Variants in DCLK2 observed in about 807,000 individuals in gnomAD.
The protein encoded by DCLK2 is doublecortin like kinase 2, also known as serine/threonine-protein kinase DCLK2.
A neutral mutation model predicts 78.4 loss-of-function variants in DCLK2; 31 were observed. That is an observed-to-expected ratio of 0.40 (90% CI 0.30 to 0.53). The LOEUF (loss-of-function observed/expected upper bound fraction) is 0.53, where lower values mean the gene tolerates loss of function less well. DCLK2 is among the 20% of genes least tolerant of loss of function. The probability of loss-of-function intolerance (pLI) is 0.61; values close to 1 mark genes in which losing one functional copy is unlikely to be tolerated. For missense variants in DCLK2, 872 were observed against 973.7 expected, an observed-to-expected ratio of 0.90 and a Z score of 1.39; for synonymous variants, 407 against 374.9, an observed-to-expected ratio of 1.09 and a Z score of -0.99.
chr4:150,248,181 G>C, intron 13 of DCLK2, 124 bp from the exon 14 acceptor site: 2 of 749,112 alleles, frequency 2.7e-6, no homozygotes, highest in Non-Finnish European at 4.6e-6. Flanking sequence ...GTTTAGGTTT[G>C]AATCAGTTAG....
intron 2 of DCLK2, among the ~76,000 whole-genome samples, chr4:150,161,614 C>T (rs1735712382): frequency 6.6e-6 from 1 of 152,056 alleles, no homozygotes; most frequent in Admixed American, 6.6e-5. Flanking sequence ...AATATATTAA[C>T]AGTTTGTGAG....
intron 1 of DCLK2, among the ~76,000 whole-genome samples, chr4:150,085,246 C>G (rs1729559013): frequency 6.6e-6 from 1 of 152,152 alleles, no homozygotes; most frequent in African/African-American, 2.4e-5. Flanking sequence ...TTTGTGGGGT[C>G]TTTGGGAGGT....
chr4:150,122,424 T>TA lies in DCLK2; in HGVS notation c.756+19618dup, dbSNP rs533338992. On this transcript the variant is annotated intron_variant, in intron 2 of 15. Transcript: ENST00000296550. Reference sequence around the variant, plus strand: ...TACACCATGGAATACTATGCAGCCATAAAAAAGTATGAGTTCATGTCCTTT... The same window carrying TA: ...TACACCATGGAATACTATGCAGCCATAAAAAAAGTATGAGTTCATGTCCTTT... Among the ~76,000 whole-genome samples the TA allele has an allele frequency of 1.1e-3, 166 of 152,186 alleles. 2 individuals carry two copies. The highest frequency in any genetic ancestry group is 3.8e-3 in the African/African-American group (156 of 41,516).
intron 5 of DCLK2, among the ~76,000 whole-genome samples, chr4:150,219,807 A>G (rs898519610): frequency 6.6e-6 from 1 of 152,254 alleles, no homozygotes; most frequent in Non-Finnish European, 1.5e-5. Context: ...TATTGTAAGT[A>G]TAAAACGCAT....
intron 4 of DCLK2, chr4:150,198,881 T>G: frequency 1.8e-6 from 1 of 553,912 alleles, no homozygotes; most frequent in Non-Finnish European, 3.2e-6. Flanking sequence ...TTTTCAGACA[T>G]TCCACTATTC....
chr4:150,162,188 G>C (rs1735752628), intron 2 of DCLK2, among the ~76,000 whole-genome samples: 1 of 151,954 alleles, frequency 6.6e-6, no homozygotes, highest in Admixed American at 6.6e-5. Flanking sequence ...GCGCCACCAT[G>C]CCTGGCTAAT....
intron 2 of DCLK2, among the ~76,000 whole-genome samples, chr4:150,184,720 G>A (rs1174995076): frequency 6.6e-6 from 1 of 151,312 alleles, no homozygotes; most frequent in Admixed American, 6.6e-5. Context: ...TCCTGTCTTA[G>A]CCTCCCGAGT....
intron 12 of DCLK2, among the ~76,000 whole-genome samples, chr4:150,241,396 A>G (rs1185512589): frequency 6.6e-6 from 1 of 152,194 alleles, no homozygotes; most frequent in Non-Finnish European, 1.5e-5. Flanking sequence ...TCTTTTGATG[A>G]GTTTCATCTC....
intron 8 of DCLK2, among the ~76,000 whole-genome samples, chr4:150,227,399 T>C (rs2126552381): frequency 6.6e-6 from 1 of 152,310 alleles, no homozygotes; most frequent in African/African-American, 2.4e-5. Context: ...GCAAAGAATG[T>C]TGGAGTTCAG....
chr4:150,201,936 C>A (rs1008792476), intron 4 of DCLK2, among the ~76,000 whole-genome samples: 5 of 152,070 alleles, frequency 3.3e-5, no homozygotes. Context: ...TTTTTAAGAG[C>A]AGTTTTAGGT....
chr4:150,169,054 C>G (rs905344345), intron 2 of DCLK2, among the ~76,000 whole-genome samples: 6 of 151,806 alleles, frequency 4.0e-5, no homozygotes, highest in African/African-American at 1.2e-4. Context: ...CCCTCCCCAC[C>G]CCCCGTAATT....
In DCLK2 at chr4:150,247,678, T is replaced by G. The variant is rs1320907674; in HGVS notation, c.1854T>G (p.Asp618Glu). 6.2e-7 allele frequency: 1 copy of G among 1,614,098 alleles called. No homozygotes were observed. The highest frequency in any genetic ancestry group is 8.5e-7 in the Non-Finnish European group (1 of 1,180,002). ...TGGAGTTTCCGGCCCCCTACTGGGA[T>G]AACATCACGGACTCTGCCAAGGTAC... ...GKLEFPAPYWDNITDSAKELI... is the reference protein window; with the variant it reads ...GKLEFPAPYWENITDSAKELI... The change falls in exon 13 of 16, where the codon GAT (aspartate) becomes GAG (glutamate). Residue 618 changes from aspartate to glutamate, a missense_variant. Asp to Glu is a conservative substitution (Grantham distance 45). This residue lies in a region of DCLK2 where 219 missense variants were observed against 230.1 expected (regional missense o/e 0.95). Coordinates refer to ENST00000296550, the MANE Select transcript of DCLK2 (RefSeq NM_001040260.4).
At chr4:150,158,455 G>A (rs1008418303) in intron 2 of DCLK2, among the ~76,000 whole-genome samples, 7 of 152,192 alleles carry the variant, frequency 4.6e-5, no homozygotes, top group African/African-American at 1.4e-4. Flanking sequence ...CCACCACAGA[G>A]GCACACTGCC....
At chr4:150,160,257 A>G (rs549280939) in intron 2 of DCLK2, among the ~76,000 whole-genome samples, 14 of 152,230 alleles carry the variant, frequency 9.2e-5, no homozygotes, top group African/African-American at 1.7e-4. Flanking sequence ...AGCTCAAGCA[A>G]TCCACCTGCC....
chr4:150,219,594 C>A (rs1359183608), intron 5 of DCLK2, among the ~76,000 whole-genome samples: 1 of 152,084 alleles, frequency 6.6e-6, no homozygotes, highest in Non-Finnish European at 1.5e-5. Context: ...AGGTTCTGTG[C>A]TAGATGATTT....
intron 2 of DCLK2, among the ~76,000 whole-genome samples, chr4:150,158,751 G>A (rs923849821): frequency 1.3e-5 from 2 of 152,106 alleles, no homozygotes; most frequent in Non-Finnish European, 1.5e-5. Flanking sequence ...AGAAAAAACT[G>A]CACAGGAAAG....
At chr4:150,202,422 A>G (rs566865888) in intron 4 of DCLK2, among the ~76,000 whole-genome samples, 1 of 152,334 alleles carries the variant, frequency 6.6e-6, no homozygotes, top group East Asian at 1.9e-4. Context: ...TTTAAAAATA[A>G]CTGGAAAAAG....
Position 150,257,227 on chromosome 4 carries a change from C to T in DCLK2, c.*980C>T, listed in dbSNP as rs768244976. 9.8e-5 allele frequency: 15 copies of T among 152,718 alleles called. No individual in the cohort carries two copies. Among genetic ancestry groups the T allele is most frequent in the Non-Finnish European group, 1.9e-4 (13 of 68,136 alleles). 9.5% of individuals were successfully genotyped at this position (152,718 alleles called of 1,614,324 possible). ...CCAGGACTGGGCGGGAAGGTGCTCC[C>T]TGGATATACTCTGTGAACCTTCTGG... On this transcript the variant is annotated 3_prime_UTR_variant, in exon 16 of 16. Transcript: ENST00000296550.
chr4:150,085,617 C>T (rs1729584153), intron 1 of DCLK2, among the ~76,000 whole-genome samples: 1 of 152,144 alleles, frequency 6.6e-6, no homozygotes, highest in Non-Finnish European at 1.5e-5. Context: ...GTTCAACCCA[C>T]AGCAGGAGGT....
Sources: gnomAD v4.1 joint callset for allele counts (sites outside exome capture counted in the v4.1 genomes callset) on GRCh38, gnomAD v4.1.1 for gene constraint, gnomAD v4.1.1 regional missense constraint, MANE v1.5 for transcripts, NCBI Gene and HGNC (gene_info 2026-07-23, HGNC 2026-07-21) for gene names.